Variants in MAP2 observed in about 807,000 individuals in gnomAD.
The protein encoded by MAP2 is microtubule-associated protein 2.
Under a neutral mutation model 137.6 loss-of-function variants are expected in MAP2, and 14 were observed. That is an observed-to-expected ratio of 0.10 (90% CI 0.07 to 0.16). The LOEUF (loss-of-function observed/expected upper bound fraction) is 0.16, where lower values mean the gene tolerates loss of function less well. MAP2 is among the 10% of genes least tolerant of loss of function. MAP2 has a pLI of 1.00. For synonymous variants in MAP2, 786 were observed against 782.3 expected, an observed-to-expected ratio of 1.00 and a Z score of -0.08; for missense variants, 2,088 against 2,191.5, an observed-to-expected ratio of 0.95 and a Z score of 0.94.
At chr2:209,456,377 A>G (rs1701541861) in intron 1 of MAP2, among the ~76,000 whole-genome samples, 1 of 152,174 alleles carries the variant, frequency 6.6e-6, no homozygotes, top group Non-Finnish European at 1.5e-5. Context: ...TGAAGGAGCC[A>G]GTTTAAGGTA....
chr2:209,471,258 C>T (rs149313034), intron 1 of MAP2, among the ~76,000 whole-genome samples: 237 of 152,266 alleles, frequency 1.6e-3, no homozygotes, highest in African/African-American at 5.5e-3. Flanking sequence ...GAAGGGAATC[C>T]TTACTCAAAC....
chr2:209,657,733 A>G (rs1347620288), intron 5 of MAP2, among the ~76,000 whole-genome samples: 1 of 151,588 alleles, frequency 6.6e-6, no homozygotes, highest in Non-Finnish European at 1.5e-5. Flanking sequence ...TCTTTTGGTT[A>G]TTTCTTTTCC....
intron 14 of MAP2, among the ~76,000 whole-genome samples, chr2:209,729,210 C>G (rs114076294): frequency 2.1e-3 from 326 of 152,238 alleles, no homozygotes; most frequent in African/African-American, 7.4e-3. Flanking sequence ...TCAAGGTCAG[C>G]GTCATATTGG....
At chr2:209,651,993 A>G (rs2094834618) in intron 4 of MAP2, among the ~76,000 whole-genome samples, 1 of 152,182 alleles carries the variant, frequency 6.6e-6, no homozygotes, top group South Asian at 2.1e-4. Context: ...TGCTTGAGAT[A>G]CTTTTTTGGA....
intron 1 of MAP2, among the ~76,000 whole-genome samples, chr2:209,463,312 C>T (rs1001625610): frequency 2.0e-5 from 3 of 152,038 alleles, no homozygotes; most frequent in Admixed American, 2.0e-4. Flanking sequence ...TTATTTCATA[C>T]AAAATAATAA....
chr2:209,649,876 C>A (rs947122394), intron 4 of MAP2, among the ~76,000 whole-genome samples: 2 of 152,084 alleles, frequency 1.3e-5, no homozygotes, highest in Admixed American at 6.6e-5. Context: ...GGCTAGCCAG[C>A]CTTTTCTTCT....
intron 1 of MAP2, among the ~76,000 whole-genome samples, chr2:209,439,752 G>A (rs1443593582): frequency 6.6e-6 from 1 of 151,418 alleles, no homozygotes; most frequent in Non-Finnish European, 1.5e-5. Context: ...GTAAGCAACT[G>A]TCACCCTTTA....
At chr2:209,690,315 A>G (rs757051544) in intron 7 of MAP2, among the ~76,000 whole-genome samples, 1 of 152,142 alleles carries the variant, frequency 6.6e-6, no homozygotes, top group African/African-American at 2.4e-5. Context: ...CAATAAGGGT[A>G]ATCAATCAAT....
chr2:209,466,970 C>A (rs1575499606), intron 1 of MAP2, among the ~76,000 whole-genome samples: 1 of 152,154 alleles, frequency 6.6e-6, no homozygotes, highest in East Asian at 1.9e-4. Flanking sequence ...CTTGAGTGTG[C>A]CACTGCTACA....
chr2:209,649,498 A>T (rs1050149178), intron 4 of MAP2, among the ~76,000 whole-genome samples: 2 of 152,236 alleles, frequency 1.3e-5, no homozygotes, highest in African/African-American at 4.8e-5. Context: ...AGTGAAATTT[A>T]TCATTTATGG....
At chr2:209,679,362 GATA>G (rs1559541472) in intron 6 of MAP2, among the ~76,000 whole-genome samples, 3 of 150,428 alleles carry the variant, frequency 2.0e-5, no homozygotes, top group Non-Finnish European at 4.4e-5. Flanking sequence ...TAGATAGATA[GATA>G]GGCAGATAGA....
chr2:209,694,211 T>C lies in MAP2; in HGVS notation c.2041T>C (p.Leu681=), dbSNP rs368345253. 2.0e-5 allele frequency: 33 copies of C among 1,614,112 alleles called. No homozygotes were observed. In the African/African-American group the frequency reaches 2.3e-4, roughly 11 times the overall value. ...CCTCCACAGTAAGAATAAGGATGAT[T>C]TGACCCTTAGCAGGAGTTTAGGACT... ...RDLHSKNKDD[L]TLSRSLGLGG... is the part of the protein sequence containing the mutation. Residue 681 remains leucine (L), a synonymous_variant, in exon 8 of 16, where the codon TTG becomes CTG. Coordinates refer to ENST00000682079, the MANE Select transcript of MAP2 (RefSeq NM_001375505.1).
intron 2 of MAP2, among the ~76,000 whole-genome samples, chr2:209,513,641 C>CA (rs1393118158): frequency 6.6e-6 from 1 of 151,852 alleles, no homozygotes; most frequent in African/African-American, 2.4e-5. Context: ...AAACAAAAAA[C>CA]AAAAAAACAC....
chr2:209,584,895 A>G (rs1363358290), intron 3 of MAP2, among the ~76,000 whole-genome samples: 1 of 152,158 alleles, frequency 6.6e-6, no homozygotes, highest in East Asian at 1.9e-4. Context: ...TGAAAAAAGC[A>G]AAGGGAGAAA....
intron 4 of MAP2, among the ~76,000 whole-genome samples, chr2:209,626,486 A>G (rs2092342255): frequency 6.6e-6 from 1 of 152,184 alleles, no homozygotes; most frequent in Non-Finnish European, 1.5e-5. Context: ...ACATGCAGCT[A>G]TATTAAAATC....
intron 7 of MAP2, among the ~76,000 whole-genome samples, chr2:209,684,310 G>A (rs1444111139): frequency 1.3e-5 from 2 of 152,128 alleles, no homozygotes; most frequent in Admixed American, 6.6e-5. Context: ...TAATCATCGC[G>A]CATCTGAAAG....
chr2:209,727,038 A>G (rs1020274301), intron 14 of MAP2, among the ~76,000 whole-genome samples: 1 of 152,168 alleles, frequency 6.6e-6, no homozygotes. Flanking sequence ...AAACAAAGAT[A>G]GGTAGAATAA....
At chr2:209,705,834 G>A in intron 12 of MAP2, 107 bp downstream of exon 12, 1 of 991,666 alleles carries the variant, frequency 1.0e-6, no homozygotes, top group Non-Finnish European at 1.5e-6. Flanking sequence ...CATGCATTAA[G>A]ACTAGATTAT....
chr2:209,454,798 T>TTGTG (rs113058812), intron 1 of MAP2, among the ~76,000 whole-genome samples: 1 of 151,822 alleles, frequency 6.6e-6, no homozygotes, highest in African/African-American at 2.4e-5. Flanking sequence ...ATTGCACTCA[T>TTGTG]TGTGTGTGTG....
Sources: gnomAD v4.1 joint callset for allele counts (sites outside exome capture counted in the v4.1 genomes callset) on GRCh38, gnomAD v4.1.1 for gene constraint, MANE v1.5 for transcripts, NCBI Gene and HGNC (gene_info 2026-07-23, HGNC 2026-07-21) for gene names.